Variants in IRX2 observed in about 807,000 individuals in gnomAD.
IRX2 encodes the protein iroquois-class homeodomain protein IRX-2.
IRX2 carries 26 observed loss-of-function variants against 42.9 expected under a neutral mutation model. The ratio of observed to expected loss-of-function variants is 0.61; its 90% CI spans 0.44 to 0.84. The LOEUF (loss-of-function observed/expected upper bound fraction) is 0.84. Among genes scored for constraint, IRX2 ranks in the 40% least tolerant of loss-of-function variants. The pLI, the probability that IRX2 is intolerant of heterozygous loss-of-function variation, is 0.00. For synonymous variants in IRX2, 424 were observed against 353.9 expected (o/e 1.20, Z -2.22); for missense variants, 782 against 713.9 (o/e 1.10, Z -1.09).
chr5:2,739,721 C>T, the IRX2 span, among the ~76,000 whole-genome samples: 1 of 152,306 alleles, frequency 6.6e-6, no homozygotes, highest in South Asian at 2.1e-4. Context: ...TCACCCTGCG[C>T]GCGCGGTTCC....
chr5:2,751,221 G>T lies in IRX2; in HGVS notation c.193C>A (p.Pro65Thr), dbSNP rs1254645341. Residue 65 changes from proline (P) to threonine (T), a missense_variant, in exon 1 of 4, where the codon CCG becomes ACG. Pro to Thr is a conservative substitution (Grantham distance 38, BLOSUM62 -1). Transcript: ENST00000302057. The surrounding 1 kb of genome is among the most constrained non-coding windows in gnomAD (Gnocchi z 4.0). Reference protein sequence around the residue: ...TAQAATGFGSPLQYSADAAAA... With the variant: ...TAQAATGFGSTLQYSADAAAA... The stretch of plus-strand genomic sequence containing the variant: ...GCGGCGTCGGCCGAGTACTGCAGCG[G>T]GCTCCCGAAGCCGGTGGCCGCCTGC... 2.2e-6 allele frequency: 3 copies of T among 1,358,272 alleles called. No individual in the cohort carries two copies. Among genetic ancestry groups the T allele is most frequent in the Non-Finnish European group, 2.8e-6 (3 of 1,055,876 alleles). 84.1% of individuals were successfully genotyped at this position (1,358,272 alleles called of 1,614,324 possible). A position where few individuals can be genotyped will look rare whatever the true frequency, so the allele number is the denominator to read the frequency against.
In IRX2 at chr5:2,748,377, C is replaced by G. The variant is rs769866512; in HGVS notation, c.1331G>C (p.Arg444Pro). ...AGAHPLESHY[R>P]SPGGGYEPKK... ...GGGCTCGTAGCCGCCGCCCGGGGAC[C>G]GGTAGTGGGACTCGAGCGGGTGCGC... The change falls in exon 3 of 4, where the codon CGG becomes CCG. Residue 444 changes from arginine (R) to proline (P), a missense_variant. Transcript: ENST00000302057. The G allele has an allele frequency of 2.0e-4, 287 of 1,468,542 alleles. 1 individual carries two copies. Among genetic ancestry groups the G allele is most frequent in the South Asian group, 6.1e-4 (46 of 75,272 alleles). The allele number at this position is 1,468,542 out of a possible 1,614,324, so 91.0% of individuals were successfully genotyped here.
chr5:2,742,496 C>G (rs1473451470), downstream of IRX2, among the ~76,000 whole-genome samples: 1 of 152,152 alleles, frequency 6.6e-6, no homozygotes, highest in Non-Finnish European at 1.5e-5. Flanking sequence ...TCATAATATC[C>G]ACATAGCACA....
rs963854033 is a variant in IRX2, at chr5:2,749,821, C to T, written c.250-34G>A. 2.6e-6 allele frequency: 4 copies of T among 1,546,090 alleles called. No homozygotes were observed. The South Asian group carries it at 3.7e-5, about 14-fold the overall frequency. ...AACAAGAGCCTGTGAGTGGAGTATG[C>T]GGAGACCCCGCGGGCAACCAGCCAG... On this transcript the variant is annotated intron_variant, in intron 1 of 3. Transcript: ENST00000302057.
Position 2,746,201 on chromosome 5 carries a change from GAT to G in IRX2, c.*1361_*1362del, listed in dbSNP as rs1737660742. 1 of 151,824 alleles carries G rather than the reference GAT, an allele frequency of 6.6e-6. No individual in the cohort carries two copies. Among genetic ancestry groups the G allele is most frequent in the Admixed American group, 6.6e-5 (1 of 15,242 alleles). The allele number at this position is 151,824 out of a possible 1,614,324, so 9.4% of individuals were successfully genotyped here. A position where few individuals can be genotyped will look rare whatever the true frequency, so the allele number is the denominator to read the frequency against. On this transcript the variant is annotated 3_prime_UTR_variant, in exon 4 of 4. Transcript: ENST00000302057. Reference sequence around the variant, plus strand: ...TAGTCTGTTTTTATTTACAATTTAAGATATAAATTAGTAAAGAATTCGTGTTA... The same window carrying G: ...TAGTCTGTTTTTATTTACAATTTAAGATAAATTAGTAAAGAATTCGTGTTA...
chr5:2,743,586 G>A (rs2111437446), downstream of IRX2, among the ~76,000 whole-genome samples: 1 of 136,434 alleles, frequency 7.3e-6, no homozygotes, highest in East Asian at 2.1e-4. Context: ...CAAGGCCACC[G>A]CCCCAAAGCC....
At chr5:2,741,495 A>G (rs747574941), downstream of IRX2, among the ~76,000 whole-genome samples, 2 of 152,330 alleles carry the variant, frequency 1.3e-5, no homozygotes, top group Non-Finnish European at 2.9e-5. Context: ...GGAGAGGTGT[A>G]GGGGTGAGTC....
At chr5:2,738,435 T>C in the IRX2 span, among the ~76,000 whole-genome samples, 1 of 152,238 alleles carries the variant, frequency 6.6e-6, no homozygotes, top group African/African-American at 2.4e-5. Flanking sequence ...GGACGGGCCA[T>C]GGCCTCCTAT....
chr5:2,735,846 G>A, the IRX2 span, among the ~76,000 whole-genome samples: 1 of 152,168 alleles, frequency 6.6e-6, no homozygotes, highest in Non-Finnish European at 1.5e-5. Context: ...AATTGTCTGA[G>A]ATTTGAACTC....
chr5:2,748,736 G>A lies in IRX2; in HGVS notation c.972C>T (p.Ala324=). Residue 324 remains alanine (A), a synonymous_variant, in exon 3 of 4, where the codon GCC becomes GCT. Transcript: ENST00000302057. ...SRTSPGAPPP[A]SKPKLWSLAE... is the part of the protein sequence containing the mutation. ...CCAGCGACCACAGCTTGGGCTTGCT[G>A]GCGGGGGGCGGCGCGCCCGGAGACG... 2.2e-6 allele frequency: 3 copies of A among 1,368,462 alleles called. No homozygotes were observed. The highest frequency in any genetic ancestry group is 1.5e-5 in the African/African-American group (1 of 65,330). 84.8% of individuals were successfully genotyped at this position (1,368,462 alleles called of 1,614,324 possible).
chr5:2,736,275 G>C, the IRX2 span, among the ~76,000 whole-genome samples: 17 of 152,280 alleles, frequency 1.1e-4, no homozygotes, highest in East Asian at 3.1e-3. Flanking sequence ...CTCCAGCCCT[G>C]AGTTCACACC....
In IRX2 at chr5:2,747,230, A is replaced by C. The variant is rs1737700131; in HGVS notation, c.*334T>G. The C allele has an allele frequency of 6.3e-6, 1 of 158,362 alleles. No individual in the cohort carries two copies. The highest frequency in any genetic ancestry group is 2.0e-4 in the South Asian group (1 of 4,932). 9.8% of individuals were successfully genotyped at this position (158,362 alleles called of 1,614,324 possible). ...CAAAAGAAAACAACAGTAGTGTGTA[A>C]TATATATATACACATGTACTATATA... On this transcript the variant is annotated 3_prime_UTR_variant, in exon 4 of 4. Coordinates refer to ENST00000302057, the MANE Select transcript of IRX2 (RefSeq NM_033267.5).
the IRX2 span, among the ~76,000 whole-genome samples, chr5:2,738,491 C>A: frequency 1.3e-5 from 2 of 152,118 alleles, no homozygotes; most frequent in African/African-American, 4.8e-5. Flanking sequence ...CCTGATTCGC[C>A]CCCCTGTTCC....
In IRX2 at chr5:2,746,998, T is replaced by C. The variant is rs1419158604; in HGVS notation, c.*566A>G. 1 of 152,052 alleles carries C rather than the reference T, an allele frequency of 6.6e-6. No homozygotes were observed. Among genetic ancestry groups the C allele is most frequent in the African/African-American group, 2.4e-5 (1 of 41,360 alleles). The allele number at this position is 152,052 out of a possible 1,614,324, so 9.4% of individuals were successfully genotyped here. A position where few individuals can be genotyped will look rare whatever the true frequency, so the allele number is the denominator to read the frequency against. ...AGAGTCCTGTCCACTTGGACATGGG[T>C]GGAGGGGAGGTTGGACAGGGCTGAT... On this transcript the variant is annotated 3_prime_UTR_variant, in exon 4 of 4. Coordinates refer to ENST00000302057, the MANE Select transcript of IRX2 (RefSeq NM_033267.5).
the IRX2 span, among the ~76,000 whole-genome samples, chr5:2,738,129 C>T: frequency 6.6e-6 from 1 of 152,218 alleles, no homozygotes; most frequent in South Asian, 2.1e-4. Context: ...GGGTCTAGCT[C>T]CTGCAAAGTC....
At chr5:2,739,233 G>T in the IRX2 span, among the ~76,000 whole-genome samples, 73,598 of 152,090 alleles carry the variant, frequency 0.48, 18,126 homozygotes, top group South Asian at 0.6. Context: ...CCCCGAGCCC[G>T]CCGGCCCTCG....
In IRX2 at chr5:2,748,924, C is replaced by A; in HGVS notation, c.784G>T (p.Asp262Tyr). The change falls in exon 3 of 4, where the codon GAC (aspartate) becomes TAC (tyrosine). Residue 262 changes from aspartate to tyrosine, a missense_variant. This residue lies in a region of IRX2 where 520 missense variants were observed against 437.8 expected (regional missense o/e 1.19). Coordinates refer to ENST00000302057, the MANE Select transcript of IRX2 (RefSeq NM_033267.5). ...SGSECKDKYD[D>Y]LEDDEDDDEE... is the part of the protein sequence containing the mutation. ...TCGTCGTCCTCGTCGTCCTCCAGGT[C>A]GTCATACTTGTCCTTGCACTCCGAG... 6.3e-7 allele frequency: 1 copy of A among 1,596,778 alleles called. No individual in the cohort carries two copies. Among genetic ancestry groups the A allele is most frequent in the South Asian group, 1.1e-5 (1 of 90,728 alleles).
At chr5:2,750,404 C>T (rs1327438074) in intron 1 of IRX2, among the ~76,000 whole-genome samples, 1 of 152,228 alleles carries the variant, frequency 6.6e-6, no homozygotes, top group Non-Finnish European at 1.5e-5. Context: ...CGCCGAGGGC[C>T]GGCAGTCGCG....
At chr5:2,749,858 C>G in intron 1 of IRX2, 71 bp from the exon 2 acceptor site, 1 of 1,453,690 alleles carries the variant, frequency 6.9e-7, no homozygotes, top group Non-Finnish European at 9.2e-7. Context: ...GGATGCCACC[C>G]CTCCGCCCGC....
Sources: allele counts gnomAD v4.1 joint callset (sites outside exome capture counted in the v4.1 genomes callset), GRCh38; gene constraint gnomAD v4.1.1; regional missense constraint gnomAD v4.1.1; non-coding constraint Gnocchi (gnomAD v3.1); transcripts MANE v1.5; gene names NCBI Gene and HGNC (gene_info 2026-07-23, HGNC 2026-07-21).